Variants in NKAIN2 observed in about 807,000 individuals in gnomAD.
NKAIN2 encodes sodium/potassium-transporting ATPase subunit beta-1-interacting protein 2.
In NKAIN2, 14 loss-of-function variants were observed where a neutral mutation model predicts 32.6. The ratio of observed to expected loss-of-function variants is 0.43; its 90% confidence interval spans 0.28 to 0.67. NKAIN2 has a LOEUF of 0.67. Among genes scored for constraint, NKAIN2 ranks in the 30% least tolerant of loss-of-function variants. NKAIN2 has a pLI of 0.17. For synonymous variants in NKAIN2, 80 were observed against 87.2 expected (o/e 0.92, Z 0.46); for missense variants, 198 against 258.3 (o/e 0.77, Z 1.60).
chr6:124,360,086 C>A (rs376177076), intron 3 of NKAIN2, among the ~76,000 whole-genome samples: 1 of 151,656 alleles, frequency 6.6e-6, no homozygotes, highest in Non-Finnish European at 1.5e-5. Flanking sequence ...TATTGATTTG[C>A]GAATGTTGAA....
intron 4 of NKAIN2, among the ~76,000 whole-genome samples, chr6:124,779,825 C>A (rs935436643): frequency 1.2e-4 from 19 of 152,092 alleles, no homozygotes; most frequent in Admixed American, 9.8e-4. Flanking sequence ...TGAGTGAGCC[C>A]AACCAAATTC....
chr6:124,081,167 AG>A (rs1264774125), intron 1 of NKAIN2, among the ~76,000 whole-genome samples: 1 of 152,116 alleles, frequency 6.6e-6, no homozygotes, highest in African/African-American at 2.4e-5. Flanking sequence ...TGTCTGCCAC[AG>A]GAATTCTTGA....
intron 3 of NKAIN2, among the ~76,000 whole-genome samples, chr6:124,525,947 G>C (rs769089524): frequency 6.6e-6 from 1 of 152,086 alleles, no homozygotes; most frequent in African/African-American, 2.4e-5. Flanking sequence ...TATCAACATA[G>C]CACAAAATAA....
At chr6:124,674,280 T>G (rs1773252538) in intron 4 of NKAIN2, among the ~76,000 whole-genome samples, 1 of 152,082 alleles carries the variant, frequency 6.6e-6, no homozygotes, top group African/African-American at 2.4e-5. Context: ...TAATATGTTT[T>G]GAAGTCAGGA....
chr6:124,667,367 T>A (rs1772856186), intron 4 of NKAIN2, among the ~76,000 whole-genome samples: 1 of 152,188 alleles, frequency 6.6e-6, no homozygotes, highest in Admixed American at 6.5e-5. Flanking sequence ...ATAAACAATG[T>A]ATGATCCCAT....
At chr6:124,498,123 G>A (rs1778138645) in intron 3 of NKAIN2, among the ~76,000 whole-genome samples, 2 of 152,072 alleles carry the variant, frequency 1.3e-5, no homozygotes, top group African/African-American at 4.8e-5. Context: ...GAAGAAAATC[G>A]AGAAAGTTTG....
chr6:124,418,178 C>CTGTGTG (rs1192608014), intron 3 of NKAIN2, among the ~76,000 whole-genome samples: 1 of 141,992 alleles, frequency 7.0e-6, no homozygotes. Context: ...GTGTGTGTGT[C>CTGTGTG]TGTGTGTGTG....
chr6:124,705,865 A>G (rs1775034766), intron 4 of NKAIN2, among the ~76,000 whole-genome samples: 1 of 152,106 alleles, frequency 6.6e-6, no homozygotes, highest in Admixed American at 6.6e-5. Flanking sequence ...ACAGACAGTC[A>G]AAGAAGTAGC....
At chr6:123,819,444 A>C (rs1051693546) in intron 1 of NKAIN2, among the ~76,000 whole-genome samples, 6 of 152,212 alleles carry the variant, frequency 3.9e-5, no homozygotes, top group African/African-American at 1.4e-4. Context: ...GACTTGCAAA[A>C]GTCAGTGCTT....
At chr6:124,350,619 T>C (rs969357405) in intron 2 of NKAIN2, among the ~76,000 whole-genome samples, 1 of 152,200 alleles carries the variant, frequency 6.6e-6, no homozygotes, top group Non-Finnish European at 1.5e-5. Context: ...ACCAGTGTTT[T>C]TGGCAAATCT....
rs540830119 is a variant in NKAIN2, at chr6:124,542,142, A to G, written c.274-116044A>G. On this transcript the variant is annotated intron_variant, in intron 3 of 6. Transcript: ENST00000368417. ...ACATTTAAGGTAAAAGGAAAATGGG[A>G]TGCTATCAAAAATCTTTATTATCTA... is the stretch of plus-strand genomic sequence containing the variant. Among the ~76,000 whole-genome samples the G allele has an allele frequency of 4.2e-4, 64 of 152,220 alleles. 1 individual carries two copies. Among genetic ancestry groups the G allele is most frequent in the Non-Finnish European group, 8.2e-4 (56 of 67,968 alleles).
chr6:124,291,208 T>A (rs1275442725), intron 2 of NKAIN2, among the ~76,000 whole-genome samples: 1 of 152,100 alleles, frequency 6.6e-6, no homozygotes, highest in Non-Finnish European at 1.5e-5. Flanking sequence ...TTGTTCACAA[T>A]CTAAGAAGCA....
chr6:124,476,119 T>G (rs1231843445), intron 3 of NKAIN2, among the ~76,000 whole-genome samples: 1 of 145,370 alleles, frequency 6.9e-6, no homozygotes, highest in Non-Finnish European at 1.5e-5. Context: ...CGCATGCATG[T>G]AAAGGATGCA....
At chr6:123,902,521 C>T (rs1191827445) in intron 1 of NKAIN2, among the ~76,000 whole-genome samples, 1 of 152,008 alleles carries the variant, frequency 6.6e-6, no homozygotes, top group African/African-American at 2.4e-5. Context: ...AAGTATGACC[C>T]ACCTAATATT....
chr6:123,992,431 C>T (rs937646609), intron 1 of NKAIN2, among the ~76,000 whole-genome samples: 3 of 151,988 alleles, frequency 2.0e-5, no homozygotes, highest in Admixed American at 2.0e-4. Context: ...GAAAAACAAA[C>T]AAACAAACAA....
At chr6:124,151,752 T>C (rs1787736363) in intron 1 of NKAIN2, among the ~76,000 whole-genome samples, 1 of 152,022 alleles carries the variant, frequency 6.6e-6, no homozygotes, top group Non-Finnish European at 1.5e-5. Flanking sequence ...TGACTTACGA[T>C]GTAAGTGCTT....
chr6:124,634,696 C>T (rs1025188472), intron 3 of NKAIN2, among the ~76,000 whole-genome samples: 1 of 151,894 alleles, frequency 6.6e-6, no homozygotes, highest in Non-Finnish European at 1.5e-5. Context: ...AAAAATTTTC[C>T]AAGTTTTAGA....
chr6:124,079,646 C>T (rs79823950), intron 1 of NKAIN2, among the ~76,000 whole-genome samples: 2,657 of 152,132 alleles, frequency 0.017, 30 homozygotes, highest in Middle Eastern at 0.051. Flanking sequence ...TATGCTTTAC[C>T]GACTTTTAGC....
chr6:124,653,656 C>T (rs1784443023), intron 3 of NKAIN2, among the ~76,000 whole-genome samples: 1 of 151,870 alleles, frequency 6.6e-6, no homozygotes, highest in African/African-American at 2.4e-5. Context: ...CATTAACAAG[C>T]TGTCCTTAGT....
Sources: gnomAD v4.1 joint callset for allele counts (sites outside exome capture counted in the v4.1 genomes callset) on GRCh38, gnomAD v4.1.1 for gene constraint, MANE v1.5 for transcripts, NCBI Gene and HGNC (gene_info 2026-07-23, HGNC 2026-07-21) for gene names.